The following ATXN2 variants were observed in gnomAD, a reference collection of about 807,000 sequenced individuals.
The protein encoded by ATXN2 is ataxin-2.
A neutral mutation model predicts 138.6 loss-of-function variants in ATXN2; 37 were observed. The ratio of observed to expected loss-of-function variants is 0.27; its 90% CI spans 0.21 to 0.35. ATXN2 has a LOEUF of 0.35. Ranked by LOEUF, ATXN2 falls within the 10% of genes least tolerant of loss-of-function variation. The pLI, the probability that ATXN2 is intolerant of heterozygous loss-of-function variation, is 1.00. For missense variants in ATXN2, 1,216 were observed against 1,480.3 expected, an observed-to-expected ratio of 0.82 and a Z score of 2.93; for synonymous variants, 549 against 543.7, an observed-to-expected ratio of 1.01 and a Z score of -0.13.
chr12:111,585,003 T>C (rs983376797), intron 1 of ATXN2, among the ~76,000 whole-genome samples: 1 of 152,174 alleles, frequency 6.6e-6, no homozygotes, highest in Non-Finnish European at 1.5e-5. Flanking sequence ...CTTATTCTTT[T>C]TCATTTTTCT....
At chr12:111,578,139 G>A (rs1280961419) in intron 1 of ATXN2, among the ~76,000 whole-genome samples, 1 of 152,158 alleles carries the variant, frequency 6.6e-6, no homozygotes, top group Non-Finnish European at 1.5e-5. Flanking sequence ...AGAGACTGCA[G>A]TGAGCCAACA....
At chr12:111,527,432 C>T (rs1880562161) in intron 5 of ATXN2, among the ~76,000 whole-genome samples, 1 of 152,158 alleles carries the variant, frequency 6.6e-6, no homozygotes. Flanking sequence ...TCATTGTCTC[C>T]CTAATGGGCA....
chr12:111,472,606 T>C (rs1876492509), intron 18 of ATXN2, among the ~76,000 whole-genome samples: 1 of 152,352 alleles, frequency 6.6e-6, no homozygotes, highest in East Asian at 1.9e-4. Context: ...TGTCGCTCGG[T>C]TGCCCAAGCT....
rs1299489055 is a variant in ATXN2 at position 111,516,995 on chromosome 12, C to CA, written c.1166-633dup. Among the ~76,000 whole-genome samples the CA allele has an allele frequency of 2.0e-5, 3 of 149,976 alleles. No homozygotes were observed. The highest frequency in any genetic ancestry group is 2.1e-4 in the South Asian group (1 of 4,734). On this transcript the variant is annotated intron_variant, in intron 9 of 24. Coordinates refer to ENST00000673436, the MANE Select transcript of ATXN2 (RefSeq NM_001372574.1). This position sits in a 1 kb window ranked among gnomAD's most constrained non-coding sequence, Gnocchi z 5.0. ...CAAATGATAATATTCATTGCTATTT[C>CA]AAAAAAAAAGTCTTGACCTCATTAA...
At chr12:111,508,138 C>T (rs1437181808) in intron 14 of ATXN2, among the ~76,000 whole-genome samples, 1 of 149,564 alleles carries the variant, frequency 6.7e-6, no homozygotes, top group Non-Finnish European at 1.5e-5. Flanking sequence ...CTGCGAGAAA[C>T]ACCCAAGAAT....
chr12:111,566,829 G>C (rs1358485836), intron 1 of ATXN2, among the ~76,000 whole-genome samples: 1 of 151,946 alleles, frequency 6.6e-6, no homozygotes, highest in African/African-American at 2.4e-5. Context: ...GTAGAAACGG[G>C]GTTTCACCAC....
rs1270902892 is a variant in ATXN2, at chr12:111,598,789, C to A, written c.246G>T (p.Leu82=). ...AATSGGGRPG[L]GRGRNSNKGL... ...GCTGGGGTGCCGACACCCACCTGCC[C>A]AGGCCGGGCCTCCCGCCGCCGGAGG... The change falls in exon 1 of 25, where the codon CTG becomes CTT. Residue 82 remains leucine, a synonymous_variant. Transcript: ENST00000673436. This position sits in a 1 kb window ranked among gnomAD's most constrained non-coding sequence, Gnocchi z 4.5. The A allele has an allele frequency of 1.5e-6, 2 of 1,371,452 alleles. No individual in the cohort carries two copies. Among genetic ancestry groups the A allele is most frequent in the African/African-American group, 1.5e-5 (1 of 64,636 alleles). 85.0% of individuals were successfully genotyped at this position (1,371,452 alleles called of 1,614,324 possible).
intron 21 of ATXN2, among the ~76,000 whole-genome samples, chr12:111,460,580 GT>G (rs773726978): frequency 1.7e-4 from 25 of 145,778 alleles, no homozygotes; most frequent in African/African-American, 4.0e-4. Context: ...AGAGGTTTTT[GT>G]TTTTTTTTTG....
chr12:111,460,012 C>T (rs1294117560), intron 21 of ATXN2, among the ~76,000 whole-genome samples: 3 of 152,172 alleles, frequency 2.0e-5, no homozygotes, highest in Admixed American at 1.3e-4. Context: ...CAACTGCACC[C>T]GGCCTAAAAA....
At position 111,519,862 on chromosome 12, in the gene ATXN2, T is replaced by C; in HGVS notation, c.986+17A>G. The C allele has an allele frequency of 6.2e-7, 1 of 1,614,150 alleles. No homozygotes were observed. The highest frequency in any genetic ancestry group is 8.5e-7 in the Non-Finnish European group (1 of 1,180,010). Reference sequence around the variant, plus strand: ...GTTGTGTATCCAAAATACTGCATCATGATTTCCTTTAAATACCTAGTGTTT... The same window carrying C: ...GTTGTGTATCCAAAATACTGCATCACGATTTCCTTTAAATACCTAGTGTTT... On this transcript the variant is annotated intron_variant, in intron 8 of 24. Coordinates refer to ENST00000673436, the MANE Select transcript of ATXN2 (RefSeq NM_001372574.1).
At chr12:111,469,323 AC>A (rs1163517660) in intron 20 of ATXN2, 1 of 152,234 alleles carries the variant, frequency 6.6e-6, no homozygotes. Context: ...ATTCTGAAAA[AC>A]ATTTGAAGCA....
At chr12:111,508,254 G>C (rs142659694) in intron 14 of ATXN2, among the ~76,000 whole-genome samples, 2 of 151,028 alleles carry the variant, frequency 1.3e-5, no homozygotes, top group African/African-American at 4.9e-5. Context: ...ATAAAGAACT[G>C]CACAGAAAAG....
rs33967202 is a variant in ATXN2 at position 111,479,390 on chromosome 12, T to TAAAA, written c.2524+5871_2524+5874dup. Among the ~76,000 whole-genome samples, 24 of 49,858 alleles carry TAAAA rather than the reference T, an allele frequency of 4.8e-4. 1 individual carries two copies. The highest frequency in any genetic ancestry group is 1.2e-3 in the African/African-American group (18 of 15,640). The allele number at this position is 49,858 out of a possible 152,430, so 32.7% of individuals were successfully genotyped here. The stretch of plus-strand genomic sequence containing the variant: ...CAACATGGTGAAATCCCGTCTCTGC[T>TAAAA]AAAAAAAAAAAAAAAAAAAAAAAAA... On this transcript the variant is annotated intron_variant, in intron 18 of 24. Transcript: ENST00000673436.
chr12:111,477,963 T>C (rs965414389), intron 18 of ATXN2, among the ~76,000 whole-genome samples: 1 of 150,324 alleles, frequency 6.7e-6, no homozygotes, highest in African/African-American at 2.4e-5. Flanking sequence ...TTTTTCTTTT[T>C]TCTTTTTTTT....
At chr12:111,576,112 TAA>T (rs1434941724) in intron 1 of ATXN2, among the ~76,000 whole-genome samples, 3 of 136,582 alleles carry the variant, frequency 2.2e-5, no homozygotes, top group Non-Finnish European at 4.4e-5. Flanking sequence ...TAACATAACA[TAA>T]CATAACATAA....
At chr12:111,530,900 C>A (rs968113865) in intron 5 of ATXN2, among the ~76,000 whole-genome samples, 2 of 151,572 alleles carry the variant, frequency 1.3e-5, no homozygotes, top group Non-Finnish European at 2.9e-5. Context: ...CCGAGGCGGG[C>A]GGATCACCTG....
chr12:111,532,197 G>A (rs1220749695), intron 5 of ATXN2, among the ~76,000 whole-genome samples: 2 of 151,814 alleles, frequency 1.3e-5, no homozygotes, highest in Non-Finnish European at 2.9e-5. Context: ...AAAATAATTT[G>A]AGGCCGGGTG....
At chr12:111,528,459 G>A (rs1453773094) in intron 5 of ATXN2, among the ~76,000 whole-genome samples, 2 of 152,134 alleles carry the variant, frequency 1.3e-5, no homozygotes, top group Non-Finnish European at 2.9e-5. Flanking sequence ...TTAGGACCCA[G>A]GCTTTATTCC....
At chr12:111,493,529 A>G (rs190510434) in intron 14 of ATXN2, among the ~76,000 whole-genome samples, 3 of 152,304 alleles carry the variant, frequency 2.0e-5, no homozygotes. Context: ...GTACACAGAA[A>G]AATACAGAAT....
Sources: allele counts gnomAD v4.1 joint callset (sites outside exome capture counted in the v4.1 genomes callset), GRCh38; gene constraint gnomAD v4.1.1; non-coding constraint Gnocchi (gnomAD v3.1); transcripts MANE v1.5; gene names NCBI Gene and HGNC (gene_info 2026-07-23, HGNC 2026-07-21).